Variants in TPH2 observed in about 807,000 individuals in gnomAD.
The protein encoded by TPH2 is tryptophan hydroxylase 2, also known as tryptophan 5-hydroxylase 2.
TPH2 carries 27 observed loss-of-function variants against 59.1 expected under a neutral mutation model. That is an observed-to-expected ratio of 0.46 (90% confidence interval 0.34 to 0.63). The LOEUF (loss-of-function observed/expected upper bound fraction) is 0.63. Ranked by LOEUF, TPH2 falls within the 30% of genes least tolerant of loss-of-function variation. TPH2 has a pLI of 0.01. For missense variants in TPH2, 523 were observed against 588.3 expected, an observed-to-expected ratio of 0.89 and a Z score of 1.15; for synonymous variants, 220 against 210.5, an observed-to-expected ratio of 1.05 and a Z score of -0.39.
intron 5 of TPH2, among the ~76,000 whole-genome samples, chr12:71,970,574 A>G (rs1871945249): frequency 6.6e-6 from 1 of 152,248 alleles, no homozygotes. Flanking sequence ...CCTTCTGATC[A>G]TGCACAGCCC....
chr12:72,005,772 T>C (rs914841154), intron 8 of TPH2, among the ~76,000 whole-genome samples: 1 of 152,210 alleles, frequency 6.6e-6, no homozygotes, highest in Non-Finnish European at 1.5e-5. Context: ...CTTCTTTGTT[T>C]TGAGAAAAAA....
intron 9 of TPH2, among the ~76,000 whole-genome samples, chr12:72,026,400 G>C (rs1374772779): frequency 6.6e-6 from 1 of 152,088 alleles, no homozygotes; most frequent in Non-Finnish European, 1.5e-5. Context: ...AGCTTGAATG[G>C]CTATTCTCAG....
intron 8 of TPH2, among the ~76,000 whole-genome samples, chr12:71,997,827 C>A (rs1872731553): frequency 1.3e-5 from 2 of 152,096 alleles, no homozygotes; most frequent in Non-Finnish European, 2.9e-5. Context: ...ATACAAAAAA[C>A]CCAGAGTCAG....
chr12:71,978,232 T>G (rs1299202306), intron 6 of TPH2, among the ~76,000 whole-genome samples: 2 of 151,580 alleles, frequency 1.3e-5, no homozygotes, highest in African/African-American at 4.9e-5. Context: ...AAAAAAAGAA[T>G]AGTCCTTCTG....
At chr12:72,013,237 T>C (rs1873148385) in intron 8 of TPH2, among the ~76,000 whole-genome samples, 1 of 152,232 alleles carries the variant, frequency 6.6e-6, no homozygotes, top group Admixed American at 6.5e-5. Flanking sequence ...CAATGTATGC[T>C]GTTTTCACAA....
intron 8 of TPH2, among the ~76,000 whole-genome samples, chr12:72,022,140 A>T (rs1873435959): frequency 6.6e-6 from 1 of 152,048 alleles, no homozygotes; most frequent in South Asian, 2.1e-4. Flanking sequence ...ATTGCAGGGG[A>T]TATAATTTGA....
Position 72,013,660 on chromosome 12 carries a change from G to C in TPH2, c.1069-8739G>C, listed in dbSNP as rs1026650233. Among the ~76,000 whole-genome samples the C allele has an allele frequency of 2.0e-5, 3 of 152,310 alleles. No homozygotes were observed. In the Middle Eastern group the frequency reaches 0.01, roughly 518 times the overall value. On this transcript the variant is annotated intron_variant, in intron 8 of 10. Coordinates refer to ENST00000333850, the MANE Select transcript of TPH2 (RefSeq NM_173353.4). ...TTGTGGTAGGAGTAAAAACAGGAGA[G>C]ATTTATTATTATCATTAGTCTCTCT...
intron 4 of TPH2, among the ~76,000 whole-genome samples, chr12:71,947,703 C>T (rs1349503086): frequency 6.6e-6 from 1 of 152,188 alleles, no homozygotes; most frequent in East Asian, 1.9e-4. Context: ...GTGCAGCTAG[C>T]GTCCCTAGTT....
At chr12:72,004,370 C>G (rs1447635198) in intron 8 of TPH2, among the ~76,000 whole-genome samples, 1 of 150,348 alleles carries the variant, frequency 6.7e-6, no homozygotes, top group Non-Finnish European at 1.5e-5. Context: ...ATGACATTAT[C>G]TATGTCATAC....
At chr12:72,003,115 G>A (rs1021167816) in intron 8 of TPH2, among the ~76,000 whole-genome samples, 1 of 152,128 alleles carries the variant, frequency 6.6e-6, no homozygotes, top group Non-Finnish European at 1.5e-5. Flanking sequence ...ACCTGGCTGG[G>A]GATGGGGAAT....
In TPH2 at chr12:72,011,758, C is replaced by T. The variant is rs143332758; in HGVS notation, c.1069-10641C>T. Among the ~76,000 whole-genome samples the T allele has an allele frequency of 5.5e-3, 841 of 152,274 alleles. 20 individuals are homozygous for T. In the South Asian group the frequency reaches 0.066, roughly 12 times the overall value. On this transcript the variant is annotated intron_variant, in intron 8 of 10. Transcript: ENST00000333850. ...ACTTAACTACAAAACTGCTGCCTAA[C>T]TTCTATAGGAGCTACCTGCCAACCA...
At chr12:71,972,836 G>A (rs1592393279) in intron 6 of TPH2, 121 bp downstream of exon 6, 3 of 1,119,700 alleles carry the variant, frequency 2.7e-6, no homozygotes, top group South Asian at 2.9e-5. Flanking sequence ...AAAATTGTTG[G>A]CTTTGAGCCA....
intron 8 of TPH2, among the ~76,000 whole-genome samples, chr12:72,005,782 A>G (rs1374208556): frequency 6.6e-6 from 1 of 152,190 alleles, no homozygotes; most frequent in African/African-American, 2.4e-5. Context: ...TTGAGAAAAA[A>G]TTGAGCACAT....
At chr12:71,979,769 C>A (rs1872221989) in intron 7 of TPH2, among the ~76,000 whole-genome samples, 1 of 152,210 alleles carries the variant, frequency 6.6e-6, no homozygotes, top group Admixed American at 6.5e-5. Flanking sequence ...ACATGTTAAT[C>A]ATTTGGCCTA....
intron 5 of TPH2, among the ~76,000 whole-genome samples, chr12:71,950,893 C>T (rs1871326423): frequency 6.6e-6 from 1 of 152,132 alleles, no homozygotes; most frequent in Non-Finnish European, 1.5e-5. Context: ...ACTGGGCATC[C>T]CTAGCTTCCT....
intron 8 of TPH2, among the ~76,000 whole-genome samples, 198 bp from the exon 9 acceptor site, chr12:72,022,200 CT>C (rs1393642208): frequency 3.3e-5 from 5 of 152,200 alleles, no homozygotes; most frequent in Middle Eastern, 3.4e-3. Context: ...GTAGTTAATA[CT>C]TTTTTCATAT....
rs138035638 is a variant in TPH2, at chr12:71,944,301, G to C, written c.263G>C (p.Arg88Pro). Residue 88 changes from arginine (R) to proline (P), a missense_variant, in exon 3 of 11, where the codon CGT becomes CCT. Physicochemically the swap from Arg to Pro is moderately radical, Grantham distance 103. Transcript: ENST00000333850. ...ATGCTCGTGTTTCCACAGGAAAAAC[G>C]TGTCAACATGGTTCATATTGAATCC... ...VKALRLFQEKRVNMVHIESRK... is the reference protein window; with the variant it reads ...VKALRLFQEKPVNMVHIESRK... 1.2e-6 allele frequency: 2 copies of C among 1,613,692 alleles called. No homozygotes were observed. Among genetic ancestry groups the C allele is most frequent in the South Asian group, 1.1e-5 (1 of 91,068 alleles).
At chr12:71,962,010 A>G (rs901213571) in intron 5 of TPH2, 35 of 1,026,902 alleles carry the variant, frequency 3.4e-5, no homozygotes, top group Middle Eastern at 4.8e-4. Context: ...TGCAAAACTC[A>G]TTTGCAAAAG....
chr12:71,998,044 C>T (rs1191702938), intron 8 of TPH2, among the ~76,000 whole-genome samples: 1 of 152,078 alleles, frequency 6.6e-6, no homozygotes, highest in Non-Finnish European at 1.5e-5. Flanking sequence ...TACCTGCAGT[C>T]TTATGATGAC....
Sources: gnomAD v4.1 joint callset for allele counts (sites outside exome capture counted in the v4.1 genomes callset) on GRCh38, gnomAD v4.1.1 for gene constraint, MANE v1.5 for transcripts, NCBI Gene and HGNC (gene_info 2026-07-23, HGNC 2026-07-21) for gene names.